CCDC85A: variants seen among roughly 807,000 people sequenced by gnomAD.
The protein encoded by CCDC85A is coiled-coil domain containing 85A.
A neutral mutation model predicts 50.2 loss-of-function variants in CCDC85A; 38 were observed. The observed-to-expected ratio is 0.76, with a 90% CI of 0.58 to 0.99. The LOEUF is 0.99. CCDC85A is among the 50% of genes least tolerant of loss of function. The probability of loss-of-function intolerance (pLI) is 0.00; values close to 1 mark genes in which losing one functional copy is unlikely to be tolerated. For synonymous variants in CCDC85A, 366 were observed against 301.4 expected (o/e 1.21, Z -2.22); for missense variants, 820 against 742.0 (o/e 1.11, Z -1.22).
chr2:56,279,919 A>T (rs1004034356), intron 2 of CCDC85A, among the ~76,000 whole-genome samples: 2 of 152,208 alleles, frequency 1.3e-5, no homozygotes, highest in African/African-American at 4.8e-5. Context: ...CTTCTCTTTG[A>T]TACACTGATT....
intron 2 of CCDC85A, among the ~76,000 whole-genome samples, chr2:56,214,190 C>T (rs930345252): frequency 8.6e-5 from 13 of 151,924 alleles, no homozygotes; most frequent in Non-Finnish European, 2.9e-5. Context: ...CCACTTGCTA[C>T]TGTATGACAT....
At chr2:56,266,578 G>GACCCC (rs71393521) in intron 2 of CCDC85A, among the ~76,000 whole-genome samples, 2 of 60,304 alleles carry the variant, frequency 3.3e-5, no homozygotes, top group Non-Finnish European at 3.2e-5. Context: ...ACAATAACGC[G>GACCCC]CCCCCCCCCC....
At chr2:56,200,224 A>G (rs1676679396) in intron 2 of CCDC85A, among the ~76,000 whole-genome samples, 1 of 152,210 alleles carries the variant, frequency 6.6e-6, no homozygotes, top group Non-Finnish European at 1.5e-5. Context: ...ATGTTTCTAT[A>G]ATATTATCAA....
At chr2:56,381,226 C>A (rs151202777) in intron 5 of CCDC85A, among the ~76,000 whole-genome samples, 1 of 152,190 alleles carries the variant, frequency 6.6e-6, no homozygotes, top group Non-Finnish European at 1.5e-5. Flanking sequence ...CCTAAATGCA[C>A]CACCATTCAC....
Position 56,184,543 on chromosome 2 carries a change from C to T in CCDC85A, c.-82C>T, listed in dbSNP as rs997033127. The T allele has an allele frequency of 5.2e-6, 7 of 1,333,352 alleles. No homozygotes were observed. Among genetic ancestry groups the T allele is most frequent in the African/African-American group, 4.7e-5 (3 of 63,962 alleles). The allele number at this position is 1,333,352 out of a possible 1,614,324, so 82.6% of individuals were successfully genotyped here. A position where few individuals can be genotyped will look rare whatever the true frequency, so the allele number is the denominator to read the frequency against. On this transcript the variant is annotated 5_prime_UTR_variant, in exon 1 of 6. Coordinates refer to ENST00000407595, the MANE Select transcript of CCDC85A (RefSeq NM_001080433.2). ...TCGCCGGAGCGCACAGGGGTGTGGG[C>T]GGAGGCGGCCTCGCCGCGCCCGCGC... is the stretch of plus-strand genomic sequence containing the variant.
At chr2:56,344,518 T>C (rs1674535381) in intron 3 of CCDC85A, among the ~76,000 whole-genome samples, 1 of 152,210 alleles carries the variant, frequency 6.6e-6, no homozygotes, top group South Asian at 2.1e-4. Context: ...AAACTGAGGC[T>C]AAGGGTGGAA....
chr2:56,378,132 A>G (rs1676424912), intron 5 of CCDC85A, among the ~76,000 whole-genome samples: 1 of 152,196 alleles, frequency 6.6e-6, no homozygotes, highest in African/African-American at 2.4e-5. Context: ...TTATAAGAAA[A>G]AGAAATTATG....
intron 2 of CCDC85A, among the ~76,000 whole-genome samples, chr2:56,219,570 C>T (rs1374637754): frequency 6.6e-6 from 1 of 151,704 alleles, no homozygotes; most frequent in Admixed American, 6.6e-5. Flanking sequence ...ATGTGCTTGC[C>T]TATTTCCTCT....
At chr2:56,274,201 A>G (rs1670823657) in intron 2 of CCDC85A, among the ~76,000 whole-genome samples, 1 of 151,952 alleles carries the variant, frequency 6.6e-6, no homozygotes, top group African/African-American at 2.4e-5. Flanking sequence ...TGTCTATCCC[A>G]TGTTTCTTTT....
intron 3 of CCDC85A, among the ~76,000 whole-genome samples, chr2:56,368,828 A>G (rs2104385389): frequency 6.6e-6 from 1 of 151,914 alleles, no homozygotes; most frequent in Non-Finnish European, 1.5e-5. Context: ...ATATATACAC[A>G]TACATATGTA....
intron 2 of CCDC85A, among the ~76,000 whole-genome samples, chr2:56,237,024 T>C (rs1192291893): frequency 7.2e-5 from 11 of 152,192 alleles, no homozygotes; most frequent in Admixed American, 7.2e-4. Context: ...GTATTTCAGT[T>C]GGTTAACTAA....
intron 3 of CCDC85A, among the ~76,000 whole-genome samples, chr2:56,362,130 A>G (rs1675557273): frequency 6.6e-6 from 1 of 152,172 alleles, no homozygotes; most frequent in Non-Finnish European, 1.5e-5. Flanking sequence ...ACTCACAGAG[A>G]CTATGCAGTG....
In CCDC85A at chr2:56,192,334, C is replaced by T. The variant is rs1676331340; in HGVS notation, c.277-143C>T. 1.3e-5 allele frequency: 15 copies of T among 1,157,846 alleles called. No homozygotes were observed. The South Asian group carries it at 2.3e-4, about 18-fold the overall frequency. 71.7% of individuals were successfully genotyped at this position (1,157,846 alleles called of 1,614,324 possible). ...TTAATTTTTATGGACAGCTACAAAT[C>T]TTCAGCTTCCTCCTACTCCCTCACC... is the stretch of plus-strand genomic sequence containing the variant. On this transcript the variant is annotated intron_variant, in intron 1 of 5. Transcript: ENST00000407595. This position sits in a 1 kb window ranked among gnomAD's most constrained non-coding sequence, Gnocchi z 4.7.
Position 56,193,360 on chromosome 2 carries a change from G to T in CCDC85A, c.1160G>T (p.Gly387Val), listed in dbSNP as rs926744834. The T allele has an allele frequency of 1.9e-6, 3 of 1,611,328 alleles. No individual in the cohort carries two copies. The highest frequency in any genetic ancestry group is 2.5e-6 in the Non-Finnish European group (3 of 1,178,660). Residue 387 changes from glycine to valine, a missense_variant, in exon 2 of 6, where the codon GGC (glycine) becomes GTC (valine). Physicochemically the swap from Gly to Val is moderately radical, Grantham distance 109 (BLOSUM62 -3). Transcript: ENST00000407595. ...GSGGSGGSGG[G>V]SREGTLRRQA... ...GGAGGAAGTGGAGGCAGCGGCGGAG[G>T]CAGCAGGGAGGGCACCCTCAGACGG... is the stretch of plus-strand genomic sequence containing the variant.
chr2:56,342,294 A>C (rs1674412330), intron 2 of CCDC85A, among the ~76,000 whole-genome samples: 1 of 152,154 alleles, frequency 6.6e-6, no homozygotes, highest in South Asian at 2.1e-4. Context: ...ACTTCAGAAA[A>C]ATATTTGTTC....
chr2:56,308,606 C>A (rs933017419), intron 2 of CCDC85A, among the ~76,000 whole-genome samples: 1 of 152,122 alleles, frequency 6.6e-6, no homozygotes, highest in African/African-American at 2.4e-5. Context: ...ATAATACCTA[C>A]CTTGAATATT....
At chr2:56,233,572 G>C (rs962385748) in intron 2 of CCDC85A, among the ~76,000 whole-genome samples, 1 of 151,992 alleles carries the variant, frequency 6.6e-6, no homozygotes, top group African/African-American at 2.4e-5. Context: ...TATGTATACT[G>C]AAATTGGAAT....
At chr2:56,214,440 G>A (rs1558587585) in intron 2 of CCDC85A, among the ~76,000 whole-genome samples, 1 of 151,922 alleles carries the variant, frequency 6.6e-6, no homozygotes, top group Non-Finnish European at 1.5e-5. Context: ...AAGATCAGTG[G>A]TCACGTATTT....
intron 2 of CCDC85A, among the ~76,000 whole-genome samples, chr2:56,333,399 A>G (rs142310938): frequency 6.6e-6 from 1 of 152,330 alleles, no homozygotes; most frequent in Non-Finnish European, 1.5e-5. Context: ...CAGGAACAGA[A>G]AGGAGGCCCT....
Sources: allele counts gnomAD v4.1 joint callset (sites outside exome capture counted in the v4.1 genomes callset), GRCh38; gene constraint gnomAD v4.1.1; non-coding constraint Gnocchi (gnomAD v3.1); transcripts MANE v1.5; gene names NCBI Gene and HGNC (gene_info 2026-07-23, HGNC 2026-07-21).